Variants in PDS5B observed in about 807,000 individuals in gnomAD.
PDS5B encodes PDS5 cohesin associated factor B, also known as sister chromatid cohesion protein PDS5 homolog B.
A neutral mutation model predicts 184.1 loss-of-function variants in PDS5B; 51 were observed. That is an observed-to-expected ratio of 0.28 (90% CI 0.22 to 0.35). PDS5B has a LOEUF of 0.35. Among genes scored for constraint, PDS5B ranks in the 10% least tolerant of loss-of-function variants. The pLI, the probability that PDS5B is intolerant of heterozygous loss-of-function variation, is 1.00. For synonymous variants in PDS5B, 566 were observed against 569.2 expected, an observed-to-expected ratio of 0.99 and a Z score of 0.08; for missense variants, 1,180 against 1,723.3, an observed-to-expected ratio of 0.68 and a Z score of 5.58.
At chr13:32,707,216 T>TG (rs1952051287) in intron 18 of PDS5B, among the ~76,000 whole-genome samples, 177 bp downstream of exon 18, 1 of 152,216 alleles carries the variant, frequency 6.6e-6, no homozygotes, top group South Asian at 2.1e-4. Context: ...CTGATTATTT[T>TG]GGGGTTTAAA....
chr13:32,718,797 C>T (rs1952568459), intron 19 of PDS5B, among the ~76,000 whole-genome samples: 1 of 152,078 alleles, frequency 6.6e-6, no homozygotes, highest in South Asian at 2.1e-4. Context: ...TGTATATAAC[C>T]AACAATCATT....
At chr13:32,741,699 CTGTGTGTGTGTGTGTGTGTGTG>C (rs3050179) in intron 22 of PDS5B, among the ~76,000 whole-genome samples, 1 of 139,178 alleles carries the variant, frequency 7.2e-6, no homozygotes, top group Non-Finnish European at 1.6e-5. Context: ...CCCTTTCAGT[CTGTGTGTGTGTGTGTGTGTGTG>C]TGTGTGTGTG....
At chr13:32,636,048 C>T (rs1483001153) in intron 1 of PDS5B, among the ~76,000 whole-genome samples, 6 of 152,088 alleles carry the variant, frequency 3.9e-5, no homozygotes, top group Non-Finnish European at 8.8e-5. Flanking sequence ...GGATTACAGG[C>T]GTGAGCCACC....
chr13:32,735,405 A>C (rs1953296498), intron 21 of PDS5B, 75 bp downstream of exon 21: 1 of 1,000,224 alleles, frequency 1.0e-6, no homozygotes. Context: ...GAAAGAAGTG[A>C]AATGATATCA....
chr13:32,739,912 A>C (rs1321359131), intron 21 of PDS5B, among the ~76,000 whole-genome samples: 1 of 151,936 alleles, frequency 6.6e-6, no homozygotes, highest in African/African-American at 2.4e-5. Flanking sequence ...TTGTGGCTTT[A>C]TTATTTATAA....
Position 32,687,261 on chromosome 13 carries a change from A to T in PDS5B, c.1331A>T (p.Tyr444Phe). ...ATCAAAGACAAATTGCTACATATAT[A>T]TTATCAAAATAGTATTGATGATCGG... ...AWIKDKLLHI[Y>F]YQNSIDDRLL... Residue 444 changes from tyrosine to phenylalanine, a missense_variant, in exon 12 of 35, where the codon TAT becomes TTT. Tyr to Phe is a conservative substitution (Grantham distance 22). Coordinates refer to ENST00000315596, the MANE Select transcript of PDS5B (RefSeq NM_015032.4). 6.3e-7 allele frequency: 1 copy of T among 1,591,216 alleles called. No homozygotes were observed. The highest frequency in any genetic ancestry group is 8.5e-7 in the Non-Finnish European group (1 of 1,171,280).
chr13:32,620,957 G>A (rs1009704343), intron 1 of PDS5B, among the ~76,000 whole-genome samples: 3 of 152,182 alleles, frequency 2.0e-5, no homozygotes, highest in Admixed American at 6.5e-5. Context: ...AGCTACACTG[G>A]CCAACATAGT....
intron 1 of PDS5B, among the ~76,000 whole-genome samples, chr13:32,596,222 A>T (rs1223979177): frequency 6.6e-6 from 1 of 152,090 alleles, no homozygotes; most frequent in Non-Finnish European, 1.5e-5. Flanking sequence ...CTCTCCATTC[A>T]ATTTCTTTTG....
intron 15 of PDS5B, 103 bp downstream of exon 15, chr13:32,697,005 G>A (rs1593450873): frequency 4.5e-6 from 3 of 659,676 alleles, no homozygotes; most frequent in East Asian, 6.1e-5. Flanking sequence ...GATAATATAG[G>A]AATTTTAAAT....
At chr13:32,671,152 A>G (rs1245057988) in intron 7 of PDS5B, among the ~76,000 whole-genome samples, 2 of 152,180 alleles carry the variant, frequency 1.3e-5, no homozygotes, top group Non-Finnish European at 2.9e-5. Context: ...TCATTTACCA[A>G]ACATATATTC....
intron 1 of PDS5B, among the ~76,000 whole-genome samples, chr13:32,619,012 C>G (rs2058257248): frequency 6.6e-6 from 1 of 151,712 alleles, no homozygotes; most frequent in South Asian, 2.1e-4. Flanking sequence ...GCCTAATTGT[C>G]TATCTTCACC....
In PDS5B at chr13:32,758,094, T is replaced by C; in HGVS notation, c.3064T>C (p.Trp1022Arg). The change falls in exon 27 of 35, where the codon TGG (tryptophan) becomes CGG (arginine). Residue 1022 changes from tryptophan (W) to arginine (R), a missense_variant. Transcript: ENST00000315596. ...EQLKDVKECL[W>R]FVLEILMAKN... The stretch of plus-strand genomic sequence containing the variant: ...CCTTTTTTTTTTTTTTAGATGTCTT[T>C]GGTTTGTTCTGGAAATATTAATGGC... 7.1e-7 allele frequency: 1 copy of C among 1,409,844 alleles called. No individual in the cohort carries two copies. The allele number at this position is 1,409,844 out of a possible 1,614,324, so 87.3% of individuals were successfully genotyped here.
intron 19 of PDS5B, among the ~76,000 whole-genome samples, chr13:32,731,775 A>T (rs966342797): frequency 1.3e-5 from 2 of 152,266 alleles, no homozygotes; most frequent in Middle Eastern, 6.8e-3. Context: ...AAGGTGGCAG[A>T]AGTTTAGCTG....
Position 32,648,784 on chromosome 13 carries a change from A to G in PDS5B, c.12A>G (p.Ser4=), listed in dbSNP as rs1475166327. 2 of 1,499,278 alleles carry G rather than the reference A, an allele frequency of 1.3e-6. No homozygotes were observed. The highest frequency in any genetic ancestry group is 1.9e-6 in the Non-Finnish European group (2 of 1,075,818). 92.9% of individuals were successfully genotyped at this position (1,499,278 alleles called of 1,614,324 possible). The change falls in exon 2 of 35, where the codon TCA becomes TCG. Residue 4 remains serine (S), a synonymous_variant. Coordinates refer to ENST00000315596, the MANE Select transcript of PDS5B (RefSeq NM_015032.4). MAH[S]KTRTNDGKIT... is the part of the protein sequence containing the mutation. ...GAAATATTTCTGTCATGGCTCATTC[A>G]AAGACTAGGACCAATGATGGAAAAA...
chr13:32,768,828 G>A (rs549775472), intron 31 of PDS5B, among the ~76,000 whole-genome samples: 89 of 132,282 alleles, frequency 6.7e-4, no homozygotes, highest in African/African-American at 2.4e-3. Context: ...AAAGCTGGGT[G>A]CAGTGGCTCA....
At chr13:32,591,141 T>G (rs2057768936) in intron 1 of PDS5B, among the ~76,000 whole-genome samples, 1 of 152,024 alleles carries the variant, frequency 6.6e-6, no homozygotes. Context: ...ATTATTATTA[T>G]TTTTTGAGAT....
chr13:32,729,354 C>T (rs1326360858), intron 19 of PDS5B, among the ~76,000 whole-genome samples: 1 of 152,186 alleles, frequency 6.6e-6, no homozygotes, highest in Non-Finnish European at 1.5e-5. Context: ...CAGTGATGGG[C>T]ATTTGGATTG....
At chr13:32,606,435 T>G (rs1397742614) in intron 1 of PDS5B, among the ~76,000 whole-genome samples, 2 of 152,216 alleles carry the variant, frequency 1.3e-5, no homozygotes, top group Non-Finnish European at 2.9e-5. Context: ...CCGAGAGGTC[T>G]GCTGTTAGTC....
chr13:32,758,523 T>C lies in PDS5B; in HGVS notation c.3190-11T>C, dbSNP rs758003024. The C allele has an allele frequency of 5.6e-6, 9 of 1,604,302 alleles. No individual in the cohort carries two copies. The Middle Eastern group carries it at 5.0e-4, about 89-fold the overall frequency. ...TTAAGTATCTGTGTTTTTAAAAATA[T>C]ACTATTGCAGAAACTGTACACTGTG... On this transcript the variant is annotated splice_polypyrimidine_tract_variant and intron_variant, in intron 27 of 34. Transcript: ENST00000315596.
Sources: allele counts gnomAD v4.1 joint callset (sites outside exome capture counted in the v4.1 genomes callset), GRCh38; gene constraint gnomAD v4.1.1; transcripts MANE v1.5; gene names NCBI Gene and HGNC (gene_info 2026-07-23, HGNC 2026-07-21).